The following C2CD3 variants were observed in gnomAD, a reference collection of about 807,000 sequenced individuals.
C2CD3 encodes the protein C2 domain containing 3 centriole elongation regulator, also known as C2 domain-containing protein 3.
Under a neutral mutation model 234.0 loss-of-function variants are expected in C2CD3, and 148 were observed. That is an observed-to-expected ratio of 0.63 (90% CI 0.55 to 0.72). The LOEUF (loss-of-function observed/expected upper bound fraction) is 0.72, where lower values mean the gene tolerates loss of function less well. C2CD3 is among the 30% of genes least tolerant of loss of function. C2CD3 has a pLI of 0.00. For synonymous variants in C2CD3, 1,000 were observed against 1,035.4 expected (o/e 0.97, Z 0.66); for missense variants, 2,577 against 2,811.5 (o/e 0.92, Z 1.89).
At chr11:74,136,947 TA>T (rs960004502) in intron 5 of C2CD3, among the ~76,000 whole-genome samples, 9 of 137,270 alleles carry the variant, frequency 6.6e-5, no homozygotes, top group African/African-American at 2.4e-4. Flanking sequence ...TAAAAGTAAA[TA>T]AAAAAAAATA....
chr11:74,164,885 C>G (rs572983312), intron 2 of C2CD3: 1 of 152,190 alleles, frequency 6.6e-6, no homozygotes, highest in South Asian at 2.1e-4. Flanking sequence ...GCCTGGGGAA[C>G]AACAATGAGA....
chr11:74,078,079 TCAAACTACAA>T, intron 23 of C2CD3, 26 bp downstream of exon 23: 1 of 1,587,206 alleles, frequency 6.3e-7, no homozygotes. Context: ...GAGCAGGTGC[TCAAACTACAA>T]GAGTTGAATC....
At chr11:74,097,006 A>G (rs186107803) in intron 16 of C2CD3, among the ~76,000 whole-genome samples, 12 of 152,088 alleles carry the variant, frequency 7.9e-5, no homozygotes, top group African/African-American at 2.7e-4. Flanking sequence ...GTAAGTTACC[A>G]GGCCCAGTGG....
chr11:74,133,051 A>C, intron 6 of C2CD3, 79 bp from the exon 7 acceptor site: 2 of 1,375,532 alleles, frequency 1.5e-6, no homozygotes, highest in Non-Finnish European at 2.0e-6. Flanking sequence ...TCGTACATGC[A>C]GCTGGTCTGA....
chr11:74,027,533 C>T (rs2135407649), intron 32 of C2CD3, among the ~76,000 whole-genome samples: 1 of 152,344 alleles, frequency 6.6e-6, no homozygotes, highest in South Asian at 2.1e-4. Context: ...TAACTACCAT[C>T]TTTAACACAG....
intron 3 of C2CD3, among the ~76,000 whole-genome samples, chr11:74,149,712 C>T (rs1288444366): frequency 1.3e-5 from 2 of 152,086 alleles, no homozygotes; most frequent in East Asian, 1.9e-4. Context: ...GGATTCTCTT[C>T]GGCTCCCTCC....
intron 32 of C2CD3, among the ~76,000 whole-genome samples, 176 bp from the exon 33 acceptor site, chr11:74,013,701 T>C (rs1366759479): frequency 1.3e-5 from 2 of 152,136 alleles, no homozygotes; most frequent in East Asian, 3.9e-4. Flanking sequence ...ATATGGGGGG[T>C]ATATCATTCT....
chr11:74,020,531 T>G (rs12277532), intron 32 of C2CD3, among the ~76,000 whole-genome samples: 15,791 of 152,150 alleles, frequency 0.1, 2,577 homozygotes, highest in African/African-American at 0.35. Flanking sequence ...TGGTTTGGAG[T>G]CCAGTGCGTT....
intron 28 of C2CD3, among the ~76,000 whole-genome samples, chr11:74,045,122 T>G (rs553537841): frequency 1.3e-5 from 2 of 152,310 alleles, no homozygotes; most frequent in South Asian, 4.1e-4. Context: ...GGGGTCCAAC[T>G]TCAATCACTT....
At chr11:74,150,577 A>G (rs1028928093) in intron 3 of C2CD3, among the ~76,000 whole-genome samples, 18 of 148,140 alleles carry the variant, frequency 1.2e-4, no homozygotes, top group Non-Finnish European at 2.1e-4. Flanking sequence ...AAAAAAATAA[A>G]TAACGACTAC....
intron 9 of C2CD3, among the ~76,000 whole-genome samples, chr11:74,115,193 T>C (rs546987754): frequency 1.1e-3 from 159 of 150,442 alleles, no homozygotes; most frequent in Non-Finnish European, 1.5e-3. Context: ...TATAGATATA[T>C]ACACACACAC....
Position 74,114,530 on chromosome 11 carries a change from A to T in C2CD3, c.1584T>A (p.Ser528Arg), listed in dbSNP as rs137913425. The change falls in exon 10 of 33, where the codon AGT (serine) becomes AGA (arginine). Residue 528 changes from serine to arginine, a missense_variant. Ser to Arg is a moderately radical substitution (Grantham distance 110, BLOSUM62 -1). Transcript: ENST00000334126. The part of the protein sequence containing the change: ...TPEDAQTMTL[S>R]VDRLALLGRT... ...TACCCAAAAGGGCCAGTCTATCCAC[A>T]CTTAGTGTCATCGTTTGGGCATCTT... The T allele has an allele frequency of 8.7e-5, 140 of 1,613,918 alleles. No individual in the cohort carries two copies. The East Asian group carries it at 2.9e-3, about 33-fold the overall frequency.
Position 74,139,812 on chromosome 11 carries a change from TC to T in C2CD3, c.499del (p.Glu167AsnfsTer18). 3 of 1,611,596 alleles carry T rather than the reference TC, an allele frequency of 1.9e-6. No homozygotes were observed. The highest frequency in any genetic ancestry group is 2.5e-6 in the Non-Finnish European group (3 of 1,177,732). On this transcript the variant is annotated frameshift_variant, in exon 4 of 33. Transcript: ENST00000334126. LOFTEE classifies it high-confidence loss of function. ...GCTGTCGTAAGTTTCTGACAGAGGT[TC>T]CAGGGCAAGTGAGACCTAAGAGAGA... Reference protein sequence around the residue: ...LGELQVSLALEPLSETYDSYH... With the variant: ...LGELQVSLALXPLSETYDSYH...
At chr11:74,039,949 C>T (rs1405704841) in intron 29 of C2CD3, among the ~76,000 whole-genome samples, 1 of 152,204 alleles carries the variant, frequency 6.6e-6, no homozygotes, top group Non-Finnish European at 1.5e-5. Context: ...TAGCACCTTA[C>T]TAATATGAAG....
intron 20 of C2CD3, among the ~76,000 whole-genome samples, chr11:74,087,235 G>A (rs1307664619): frequency 6.6e-6 from 1 of 152,062 alleles, no homozygotes; most frequent in Non-Finnish European, 1.5e-5. Flanking sequence ...AGGAAAAATG[G>A]GGTGAAAATA....
At chr11:74,068,392 C>T (rs1361896995) in intron 24 of C2CD3, among the ~76,000 whole-genome samples, 1 of 152,196 alleles carries the variant, frequency 6.6e-6, no homozygotes, top group African/African-American at 2.4e-5. Context: ...AGACTGAGAG[C>T]TCTTTGAATG....
intron 26 of C2CD3, among the ~76,000 whole-genome samples, chr11:74,049,777 C>G (rs1375019945): frequency 1.3e-5 from 2 of 152,126 alleles, no homozygotes; most frequent in African/African-American, 4.8e-5. Context: ...TTCATTCTCT[C>G]TCTCTCTCTC....
chr11:74,039,938 C>T (rs542596310), intron 29 of C2CD3, among the ~76,000 whole-genome samples: 3 of 152,350 alleles, frequency 2.0e-5, no homozygotes, highest in South Asian at 4.1e-4. Context: ...CCTACAATCT[C>T]TAGCACCTTA....
rs1954008585 is a variant in C2CD3, at chr11:74,057,466, A to G, written c.5030T>C (p.Val1677Ala). The G allele has an allele frequency of 1.2e-6, 2 of 1,614,000 alleles. No homozygotes were observed. Among genetic ancestry groups the G allele is most frequent in the Non-Finnish European group, 1.7e-6 (2 of 1,179,964 alleles). Residue 1677 changes from valine (V) to alanine (A), a missense_variant, in exon 25 of 33, where the codon GTA becomes GCA. Coordinates refer to ENST00000334126, the MANE Select transcript of C2CD3 (RefSeq NM_001286577.2). Reference sequence around the variant, plus strand: ...TGTGTTTTCAACCACTTGGGTGTATACAGGAGATGACTCATCGGCTGTTGC... The same window carrying G: ...TGTGTTTTCAACCACTTGGGTGTATGCAGGAGATGACTCATCGGCTGTTGC... Reference protein sequence around the residue: ...SFATADESSPVYTQVVENTDS... With the variant: ...SFATADESSPAYTQVVENTDS...
Sources: gnomAD v4.1 joint callset for allele counts (sites outside exome capture counted in the v4.1 genomes callset) on GRCh38, gnomAD v4.1.1 for gene constraint, MANE v1.5 for transcripts, NCBI Gene and HGNC (gene_info 2026-07-23, HGNC 2026-07-21) for gene names.